The following GABRG3 variants were observed in gnomAD, a reference collection of about 807,000 sequenced individuals.
GABRG3 encodes the protein gamma-aminobutyric acid receptor subunit gamma-3.
In GABRG3, 25 loss-of-function variants were observed where a neutral mutation model predicts 48.8. The ratio of observed to expected loss-of-function variants is 0.51; its 90% CI spans 0.37 to 0.72. The LOEUF is 0.72. Ranked by LOEUF, GABRG3 falls within the 30% of genes least tolerant of loss-of-function variation. The probability of loss-of-function intolerance (pLI) is 0.00; values close to 1 mark genes in which losing one functional copy is unlikely to be tolerated. For synonymous variants in GABRG3, 227 were observed against 217.6 expected (o/e 1.04, Z -0.38); for missense variants, 394 against 577.9 (o/e 0.68, Z 3.26).
chr15:27,095,948 ACT>A (rs1228512679), intron 3 of GABRG3, among the ~76,000 whole-genome samples: 1 of 151,552 alleles, frequency 6.6e-6, no homozygotes, highest in Non-Finnish European at 1.5e-5. Flanking sequence ...ACCCACAACA[ACT>A]CTTCCATTTC....
intron 3 of GABRG3, among the ~76,000 whole-genome samples, chr15:27,056,371 AAAG>A (rs1217341523): frequency 0.042 from 6,171 of 146,748 alleles, 141 homozygotes; most frequent in Non-Finnish European, 0.052. Context: ...AAAAAAAAAA[AAAG>A]AAAAGAAAAA....
chr15:27,256,214 G>T (rs1171603272), intron 3 of GABRG3, among the ~76,000 whole-genome samples: 1 of 151,944 alleles, frequency 6.6e-6, no homozygotes, highest in Admixed American at 6.6e-5. Flanking sequence ...AGGCCGAGGC[G>T]GGCGGATCAG....
intron 3 of GABRG3, among the ~76,000 whole-genome samples, chr15:27,308,515 TAAACATACATGTTTATA>T (rs1242411818): frequency 6.8e-6 from 1 of 147,980 alleles, no homozygotes; most frequent in Non-Finnish European, 1.5e-5. Context: ...AAACATAATG[TAAACATACATGTTTATA>T]TAAACATATA....
At chr15:27,066,420 A>G (rs977884974) in intron 3 of GABRG3, among the ~76,000 whole-genome samples, 1 of 152,188 alleles carries the variant, frequency 6.6e-6, no homozygotes, top group African/African-American at 2.4e-5. Context: ...CAAACCTGAG[A>G]CAAGAAAGAG....
At chr15:27,456,920 A>G (rs1889301360) in intron 5 of GABRG3, among the ~76,000 whole-genome samples, 1 of 152,172 alleles carries the variant, frequency 6.6e-6, no homozygotes, top group South Asian at 2.1e-4. Context: ...AGTGCTGCCC[A>G]GAGATCAAGG....
At chr15:27,341,912 C>T (rs1343311143) in intron 5 of GABRG3, among the ~76,000 whole-genome samples, 3 of 152,280 alleles carry the variant, frequency 2.0e-5, no homozygotes, top group Admixed American at 6.5e-5. Context: ...CATATTAGAG[C>T]CAGAGAAATT....
intron 3 of GABRG3, among the ~76,000 whole-genome samples, chr15:27,191,824 T>C (rs1028152672): frequency 3.9e-5 from 6 of 152,208 alleles, no homozygotes; most frequent in Admixed American, 6.5e-5. Flanking sequence ...CTAGTCTCGA[T>C]GGTCTTTACA....
chr15:27,220,758 T>A (rs1423668879), intron 3 of GABRG3, among the ~76,000 whole-genome samples: 1 of 152,190 alleles, frequency 6.6e-6, no homozygotes, highest in African/African-American at 2.4e-5. Context: ...CTGGGGTCAC[T>A]GGGTGCCTGG....
In GABRG3 at chr15:27,272,281, C is replaced by T. The variant is rs368664369; in HGVS notation, c.271-54528C>T. Among the ~76,000 whole-genome samples, 12 of 152,216 alleles carry T rather than the reference C, an allele frequency of 7.9e-5. No individual in the cohort carries two copies. In the East Asian group the frequency reaches 1.2e-3, roughly 15 times the overall value. The stretch of plus-strand genomic sequence containing the variant: ...AGTTGCATCTGTGCTGAGGTGGCCT[C>T]ATCTCTTGGGCACCCAGAGTATTTA... On this transcript the variant is annotated intron_variant, in intron 3 of 9. Transcript: ENST00000615808.
chr15:27,185,614 A>G (rs74550331), intron 3 of GABRG3, among the ~76,000 whole-genome samples: 1 of 152,154 alleles, frequency 6.6e-6, no homozygotes, highest in African/African-American at 2.4e-5. Context: ...TGGTTCTGTC[A>G]GTTGCTTAAG....
At chr15:27,409,383 G>T (rs1887732381) in intron 5 of GABRG3, among the ~76,000 whole-genome samples, 1 of 151,354 alleles carries the variant, frequency 6.6e-6, no homozygotes, top group South Asian at 2.1e-4. Context: ...TTGCTCCTTT[G>T]TAAAAAAAAA....
chr15:27,011,144 G>A (rs1895678329), intron 2 of GABRG3, among the ~76,000 whole-genome samples: 1 of 152,158 alleles, frequency 6.6e-6, no homozygotes, highest in African/African-American at 2.4e-5. Flanking sequence ...TGGGATTACA[G>A]GTGTGAGCCA....
intron 6 of GABRG3, among the ~76,000 whole-genome samples, chr15:27,505,011 T>C (rs889516731): frequency 1.2e-4 from 18 of 152,238 alleles, no homozygotes; most frequent in African/African-American, 4.3e-4. Flanking sequence ...TTAGCTAAAC[T>C]ACAGTCTCTA....
rs1566769734 is a variant in GABRG3, at chr15:27,307,004, ATGTATAAACATGTT to A, written c.271-19803_271-19790del. Among the ~76,000 whole-genome samples, 53 of 117,308 alleles carry A rather than the reference ATGTATAAACATGTT, an allele frequency of 4.5e-4. 4 individuals are homozygous for A. The highest frequency in any genetic ancestry group is 1.8e-3 in the African/African-American group (46 of 25,976). 77.0% of individuals were successfully genotyped at this position (117,308 alleles called of 152,430 possible). Reference sequence around the variant, plus strand: ...AATATAAACATGTTTATATATAAACATGTATAAACATGTTTATATATAAACATGTATAAAATAAA... The same window carrying A: ...AATATAAACATGTTTATATATAAACATATATATAAACATGTATAAAATAAA... On this transcript the variant is annotated intron_variant, in intron 3 of 9. Transcript: ENST00000615808.
chr15:27,294,462 T>A (rs1389097189), intron 3 of GABRG3, among the ~76,000 whole-genome samples: 1 of 152,140 alleles, frequency 6.6e-6, no homozygotes, highest in Admixed American at 6.6e-5. Context: ...GGGATCCTCC[T>A]GCATCAGCCT....
intron 3 of GABRG3, among the ~76,000 whole-genome samples, chr15:27,159,163 A>G (rs1739881248): frequency 6.6e-6 from 1 of 152,198 alleles, no homozygotes; most frequent in African/African-American, 2.4e-5. Flanking sequence ...GGTTAAAAGA[A>G]TAAGATAATA....
chr15:27,115,774 G>T (rs1466669700), intron 3 of GABRG3, among the ~76,000 whole-genome samples: 4 of 152,080 alleles, frequency 2.6e-5, no homozygotes, highest in Admixed American at 2.6e-4. Flanking sequence ...ATGCATTTAT[G>T]AACAGAGTAA....
At chr15:27,430,992 T>TC (rs1235330640) in intron 5 of GABRG3, among the ~76,000 whole-genome samples, 81 of 91,700 alleles carry the variant, frequency 8.8e-4, no homozygotes, top group African/African-American at 4.5e-3. Flanking sequence ...CCTGTCTCAA[T>TC]AAATAAATAA....
chr15:27,304,655 C>CT (rs2140495524), intron 3 of GABRG3, among the ~76,000 whole-genome samples: 1 of 152,106 alleles, frequency 6.6e-6, no homozygotes, highest in South Asian at 2.1e-4. Context: ...TTCTCTGCCT[C>CT]TGATCTTACT....
Sources: gnomAD v4.1 joint callset for allele counts (sites outside exome capture counted in the v4.1 genomes callset) on GRCh38, gnomAD v4.1.1 for gene constraint, MANE v1.5 for transcripts, NCBI Gene and HGNC (gene_info 2026-07-23, HGNC 2026-07-21) for gene names.